The following SLC35F1 variants were observed in gnomAD, a reference collection of about 807,000 sequenced individuals.
SLC35F1 encodes the protein solute carrier family 35 member F1, also known as chromosome 6 open reading frame 169.
In SLC35F1, 14 loss-of-function variants were observed where a neutral mutation model predicts 48.7. The observed-to-expected ratio is 0.29, with a 90% CI of 0.19 to 0.45. The LOEUF (loss-of-function observed/expected upper bound fraction) is 0.45, where lower values mean the gene tolerates loss of function less well. Among genes scored for constraint, SLC35F1 ranks in the 20% least tolerant of loss-of-function variants. SLC35F1 has a pLI of 1.00. For missense variants in SLC35F1, 404 were observed against 500.0 expected (o/e 0.81, Z 1.83); for synonymous variants, 190 against 202.2 (o/e 0.94, Z 0.51).
chr6:118,272,293 A>G (rs974647815), intron 4 of SLC35F1, among the ~76,000 whole-genome samples: 1 of 152,202 alleles, frequency 6.6e-6, no homozygotes, highest in Non-Finnish European at 1.5e-5. Flanking sequence ...GGTGCCATAG[A>G]CAGATACCAA....
intron 1 of SLC35F1, among the ~76,000 whole-genome samples, chr6:117,988,381 T>C (rs771026651): frequency 1.3e-5 from 2 of 152,172 alleles, no homozygotes; most frequent in African/African-American, 4.8e-5. Context: ...TCAGTTAACT[T>C]TCTTAATTTA....
intron 1 of SLC35F1, among the ~76,000 whole-genome samples, chr6:118,038,479 T>C (rs187244066): frequency 7.2e-5 from 11 of 152,202 alleles, no homozygotes; most frequent in Non-Finnish European, 1.5e-4. Flanking sequence ...GTGCTATATA[T>C]ATCTTAACAA....
At chr6:118,135,095 T>C (rs1391236706) in intron 1 of SLC35F1, among the ~76,000 whole-genome samples, 2 of 152,146 alleles carry the variant, frequency 1.3e-5, no homozygotes, top group African/African-American at 4.8e-5. Flanking sequence ...TTTGTTATGA[T>C]CTATACTTCT....
At chr6:117,932,294 T>C (rs1776111999) in intron 1 of SLC35F1, among the ~76,000 whole-genome samples, 1 of 152,218 alleles carries the variant, frequency 6.6e-6, no homozygotes, top group Non-Finnish European at 1.5e-5. Flanking sequence ...TATTTTGTTA[T>C]AGCAGCAGGA....
chr6:118,061,135 C>G (rs1394158906), intron 1 of SLC35F1, among the ~76,000 whole-genome samples: 1 of 152,234 alleles, frequency 6.6e-6, no homozygotes, highest in Non-Finnish European at 1.5e-5. Context: ...GTTTCAACTG[C>G]CTTCCTGTAC....
chr6:118,030,221 G>A (rs999670231), intron 1 of SLC35F1, among the ~76,000 whole-genome samples: 1 of 152,206 alleles, frequency 6.6e-6, no homozygotes, highest in African/African-American at 2.4e-5. Context: ...GCTGAACTGG[G>A]AGTGGGAGGA....
chr6:118,056,332 G>A (rs1218108691), intron 1 of SLC35F1, among the ~76,000 whole-genome samples: 2 of 152,022 alleles, frequency 1.3e-5, no homozygotes, highest in African/African-American at 4.8e-5. Context: ...AAAAATTAAT[G>A]TTTTTTCTAA....
intron 1 of SLC35F1, among the ~76,000 whole-genome samples, chr6:118,095,193 C>T (rs1173176363): frequency 1.3e-5 from 2 of 152,226 alleles, no homozygotes; most frequent in Non-Finnish European, 2.9e-5. Flanking sequence ...GTCATGGCTA[C>T]ACTTAACAAT....
At chr6:118,039,979 A>C (rs1048584779) in intron 1 of SLC35F1, among the ~76,000 whole-genome samples, 3 of 152,062 alleles carry the variant, frequency 2.0e-5, no homozygotes, top group African/African-American at 7.2e-5. Context: ...AACTTGATTA[A>C]TTCTGTCTTG....
chr6:117,966,544 G>A (rs981137959), intron 1 of SLC35F1, among the ~76,000 whole-genome samples: 1 of 151,970 alleles, frequency 6.6e-6, no homozygotes, highest in Admixed American at 6.6e-5. Flanking sequence ...CCCACCAGAA[G>A]GAAGAAACTC....
intron 1 of SLC35F1, among the ~76,000 whole-genome samples, chr6:118,125,235 A>G (rs1276696160): frequency 6.6e-6 from 1 of 152,222 alleles, no homozygotes; most frequent in Non-Finnish European, 1.5e-5. Context: ...CAAAACTCCT[A>G]TACTAGCTAA....
At chr6:118,213,714 T>C (rs542756173) in intron 2 of SLC35F1, among the ~76,000 whole-genome samples, 1 of 152,324 alleles carries the variant, frequency 6.6e-6, no homozygotes, top group Non-Finnish European at 1.5e-5. Flanking sequence ...CAAAATTATA[T>C]ATAGATCAAC....
chr6:117,971,354 C>G (rs550165909), intron 1 of SLC35F1, among the ~76,000 whole-genome samples: 1 of 152,248 alleles, frequency 6.6e-6, no homozygotes, highest in Admixed American at 6.5e-5. Context: ...TACAGCCCCC[C>G]TCCCAGCTGC....
chr6:118,071,967 C>A (rs1562281408), intron 1 of SLC35F1, among the ~76,000 whole-genome samples: 1 of 152,176 alleles, frequency 6.6e-6, no homozygotes, highest in Non-Finnish European at 1.5e-5. Context: ...GGTTCATATC[C>A]TTTAGCTCCG....
At chr6:118,092,244 C>T (rs961128053) in intron 1 of SLC35F1, among the ~76,000 whole-genome samples, 1 of 152,130 alleles carries the variant, frequency 6.6e-6, no homozygotes, top group Non-Finnish European at 1.5e-5. Context: ...AAATGGTTTC[C>T]TCCAGCCCCT....
At chr6:118,006,677 G>C (rs1341760232) in intron 1 of SLC35F1, among the ~76,000 whole-genome samples, 1 of 152,030 alleles carries the variant, frequency 6.6e-6, no homozygotes, top group Non-Finnish European at 1.5e-5. Context: ...CATGCTTTTA[G>C]ATCTTTCTAT....
intron 1 of SLC35F1, among the ~76,000 whole-genome samples, chr6:118,045,069 T>C (rs1772281685): frequency 6.6e-6 from 1 of 152,222 alleles, no homozygotes; most frequent in Non-Finnish European, 1.5e-5. Context: ...AAAATACATT[T>C]AAAATTATTT....
At chr6:117,933,460 G>A (rs1776126290) in intron 1 of SLC35F1, among the ~76,000 whole-genome samples, 1 of 152,184 alleles carries the variant, frequency 6.6e-6, no homozygotes, top group Non-Finnish European at 1.5e-5. Context: ...TAGATTTCTT[G>A]TGATGTAGTG....
chr6:118,083,391 T>G (rs548279874), intron 1 of SLC35F1, among the ~76,000 whole-genome samples: 6 of 152,318 alleles, frequency 3.9e-5, no homozygotes, highest in African/African-American at 1.2e-4. Context: ...TGCAAATATG[T>G]TCCTGTACTG....
Sources: allele counts gnomAD v4.1 joint callset (sites outside exome capture counted in the v4.1 genomes callset), GRCh38; gene constraint gnomAD v4.1.1; transcripts MANE v1.5; gene names NCBI Gene and HGNC (gene_info 2026-07-23, HGNC 2026-07-21).